Variants in DENND4A observed in about 807,000 individuals in gnomAD.
DENND4A encodes DENN domain containing 4A, also known as C-myc promoter-binding protein.
A neutral mutation model predicts 199.3 loss-of-function variants in DENND4A; 70 were observed. That is an observed-to-expected ratio of 0.35 (90% confidence interval 0.29 to 0.43). DENND4A has a LOEUF of 0.43. DENND4A is among the 20% of genes least tolerant of loss of function. DENND4A has a pLI of 1.00. For missense variants in DENND4A, 1,723 were observed against 2,255.8 expected (o/e 0.76, Z 4.78); for synonymous variants, 686 against 766.9 (o/e 0.89, Z 1.74).
intron 7 of DENND4A, among the ~76,000 whole-genome samples, chr15:65,737,152 TC>T (rs899185005): frequency 3.3e-5 from 5 of 152,102 alleles, no homozygotes; most frequent in African/African-American, 4.8e-5. Flanking sequence ...AACCTCTGCT[TC>T]CCGGGTTCAA....
chr15:65,720,972 T>C lies in DENND4A; in HGVS notation c.1588+1876A>G, dbSNP rs1195667151. ...TTATATATATATATATATATATATA[T>C]ATATATATATTTGTACTTTTTGCAG... is the stretch of plus-strand genomic sequence containing the variant. On this transcript the variant is annotated intron_variant, in intron 12 of 32. Coordinates refer to ENST00000443035, the MANE Select transcript of DENND4A (RefSeq NM_001320835.1). Among the ~76,000 whole-genome samples, 3 of 97,994 alleles carry C rather than the reference T, an allele frequency of 3.1e-5. 1 individual carries two copies. The East Asian group carries it at 1.7e-3, about 55-fold the overall frequency. The allele number at this position is 97,994 out of a possible 152,430, so 64.3% of individuals were successfully genotyped here.
At chr15:65,665,572 AAG>A (rs1379877257) in intron 29 of DENND4A, 110 bp from the exon 30 acceptor site, 4 of 755,708 alleles carry the variant, frequency 5.3e-6, no homozygotes, top group African/African-American at 1.8e-5. Context: ...CGAGACAGAA[AAG>A]AGAACAGAAA....
chr15:65,683,127 G>T (rs1054508083), intron 23 of DENND4A, among the ~76,000 whole-genome samples: 2 of 152,180 alleles, frequency 1.3e-5, no homozygotes, highest in Non-Finnish European at 2.9e-5. Context: ...ACACAGGTTT[G>T]CCACAAACTT....
rs1404693950 is a variant in DENND4A at position 65,761,453 on chromosome 15, G to T, written c.-101-15C>A. 6.6e-6 allele frequency: 1 copy of T among 152,148 alleles called. No homozygotes were observed. Among genetic ancestry groups the T allele is most frequent in the African/African-American group, 2.4e-5 (1 of 41,430 alleles). 9.4% of individuals were successfully genotyped at this position (152,148 alleles called of 1,614,324 possible). A position where few individuals can be genotyped will look rare whatever the true frequency, so the allele number is the denominator to read the frequency against. ...TTGAGAAATAACTGTATTGAAAACA[G>T]TAAGAATTGGACTTAAATTCATTCC... is the stretch of plus-strand genomic sequence containing the variant. On this transcript the variant is annotated splice_polypyrimidine_tract_variant and intron_variant, in intron 1 of 32. Coordinates refer to ENST00000443035, the MANE Select transcript of DENND4A (RefSeq NM_001320835.1).
chr15:65,753,356 ATATGGTTTTTTTGAGACAGAGTCTCGGAG>A, intron 3 of DENND4A, among the ~76,000 whole-genome samples: 1 of 152,248 alleles, frequency 6.6e-6, no homozygotes, highest in East Asian at 1.9e-4. Context: ...AATAAGCTAT[ATATGGTTTTTTTGAGACAGAGTCTCGGAG>A]TCTCACTCTG....
intron 6 of DENND4A, among the ~76,000 whole-genome samples, chr15:65,738,493 A>G (rs1348836992): frequency 1.3e-5 from 2 of 152,176 alleles, no homozygotes; most frequent in African/African-American, 2.4e-5. Context: ...TGATGAAAAA[A>G]TCTTTCACCA....
intron 7 of DENND4A, among the ~76,000 whole-genome samples, chr15:65,737,339 G>A (rs779747434): frequency 2.6e-5 from 4 of 152,082 alleles, no homozygotes; most frequent in Admixed American, 6.6e-5. Flanking sequence ...GATTATGGGC[G>A]TGAACTATTG....
chr15:65,702,226 A>G, intron 17 of DENND4A, 79 bp downstream of exon 17: 4 of 1,170,094 alleles, frequency 3.4e-6, no homozygotes, highest in Non-Finnish European at 4.9e-6. Flanking sequence ...CCATGACTGC[A>G]TCACTGCACT....
chr15:65,779,709 G>C (rs1026835489), intron 1 of DENND4A, among the ~76,000 whole-genome samples: 1 of 152,070 alleles, frequency 6.6e-6, no homozygotes. Flanking sequence ...GAGTGCAGTA[G>C]TGCGATCTCA....
Position 65,671,810 on chromosome 15 carries a change from G to A in DENND4A, c.4446C>T (p.Phe1482=). ...SSFNASNTNI[F]QNYAMEVLIS... ...AGTGTACCTCCATTGCATAGTTCTG[G>A]AAGATATTTGTATTACTCGCGTTGA... The change falls in exon 25 of 33, where the codon TTC becomes TTT. Residue 1482 remains phenylalanine (F), a synonymous_variant. Coordinates refer to ENST00000443035, the MANE Select transcript of DENND4A (RefSeq NM_001320835.1). 2 of 1,608,616 alleles carry A rather than the reference G, an allele frequency of 1.2e-6. No homozygotes were observed. Among genetic ancestry groups the A allele is most frequent in the South Asian group, 2.2e-5 (2 of 90,980 alleles).
chr15:65,768,472 C>G (rs1292075390), intron 1 of DENND4A, among the ~76,000 whole-genome samples: 1 of 152,206 alleles, frequency 6.6e-6, no homozygotes, highest in Non-Finnish European at 1.5e-5. Flanking sequence ...AGGAAGCCCC[C>G]TCCAACCTTC....
chr15:65,661,153 C>G lies in DENND4A; in HGVS notation c.*698G>C, dbSNP rs2141796367. 1 of 152,024 alleles carries G rather than the reference C, an allele frequency of 6.6e-6. No individual in the cohort carries two copies. The highest frequency in any genetic ancestry group is 2.1e-4 in the South Asian group (1 of 4,816). 9.4% of individuals were successfully genotyped at this position (152,024 alleles called of 1,614,324 possible). A position where few individuals can be genotyped will look rare whatever the true frequency, so the allele number is the denominator to read the frequency against. ...CACGCTACCCTTGCATAACTCACTC[C>G]CCACACTCAGGCTTAGGGGTACTAA... On this transcript the variant is annotated 3_prime_UTR_variant, in exon 33 of 33. Transcript: ENST00000443035.
At chr15:65,663,176 G>GTA (rs376016019) in intron 32 of DENND4A, among the ~76,000 whole-genome samples, 132 of 128,686 alleles carry the variant, frequency 1.0e-3, no homozygotes, top group East Asian at 2.7e-3. Context: ...GTGTGTGTGT[G>GTA]TATATATATA....
At chr15:65,778,302 G>C (rs768043464) in intron 1 of DENND4A, among the ~76,000 whole-genome samples, 3 of 151,936 alleles carry the variant, frequency 2.0e-5, no homozygotes, top group Non-Finnish European at 2.9e-5. Context: ...AGGGGGTGAG[G>C]TTTTTCTTCT....
At chr15:65,742,968 CA>C (rs1417063487) in intron 4 of DENND4A, among the ~76,000 whole-genome samples, 2 of 152,076 alleles carry the variant, frequency 1.3e-5, no homozygotes, top group African/African-American at 4.8e-5. Flanking sequence ...ATTCCTTACA[CA>C]ATCCATGCAC....
chr15:65,790,374 T>A (rs904729521), intron 1 of DENND4A, among the ~76,000 whole-genome samples: 1 of 152,240 alleles, frequency 6.6e-6, no homozygotes, highest in Non-Finnish European at 1.5e-5. Flanking sequence ...AAAAGTTATC[T>A]ACATTTATTC....
rs373015104 is a variant in DENND4A, at chr15:65,691,427, C to A, written c.3167G>T (p.Arg1056Ile). Residue 1056 changes from arginine (R) to isoleucine (I), a missense_variant, in exon 23 of 33, where the codon AGA becomes ATA. Physicochemically the swap from Arg to Ile is moderately conservative, Grantham distance 97 (BLOSUM62 -3). Coordinates refer to ENST00000443035, the MANE Select transcript of DENND4A (RefSeq NM_001320835.1). ...ATTAGTTTCATTGTCACTTTTATGT[C>A]TTTTCCTGAAGCATCTACTTTGAAT... ...RNIQSRCFRK[R>I]HKSDNETNLQ... 66 of 1,613,288 alleles carry A rather than the reference C, an allele frequency of 4.1e-5. No homozygotes were observed. The highest frequency in any genetic ancestry group is 5.2e-5 in the Non-Finnish European group (61 of 1,179,670).
intron 1 of DENND4A, among the ~76,000 whole-genome samples, chr15:65,776,684 G>A (rs1284508599): frequency 6.6e-6 from 1 of 152,184 alleles, no homozygotes; most frequent in Non-Finnish European, 1.5e-5. Context: ...ACCAGAAAGA[G>A]ATACCTGCCT....
chr15:65,784,795 G>A (rs897492835), intron 1 of DENND4A, among the ~76,000 whole-genome samples: 5 of 152,016 alleles, frequency 3.3e-5, no homozygotes, highest in African/African-American at 9.7e-5. Flanking sequence ...CTCCAAGCAG[G>A]AGGAGGCCAC....
Sources: gnomAD v4.1 joint callset for allele counts (sites outside exome capture counted in the v4.1 genomes callset) on GRCh38, gnomAD v4.1.1 for gene constraint, MANE v1.5 for transcripts, NCBI Gene and HGNC (gene_info 2026-07-23, HGNC 2026-07-21) for gene names.